The following FIRRM variants were observed in gnomAD, a reference collection of about 807,000 sequenced individuals.
FIRRM encodes FIGNL1-interacting regulator of recombination and mitosis.
At chr1:169,818,333 C>T in the FIRRM span, among the ~76,000 whole-genome samples, 3 of 152,168 alleles carry the variant, frequency 2.0e-5, no homozygotes, top group Admixed American at 2.0e-4. Flanking sequence ...CCACATGTCC[C>T]CAGGCCTTAC....
the FIRRM span, among the ~76,000 whole-genome samples, chr1:169,822,975 G>T: frequency 6.6e-6 from 1 of 151,648 alleles, no homozygotes; most frequent in Non-Finnish European, 1.5e-5. Context: ...TTTAGTGCTG[G>T]GTGTGGTGGC....
chr1:169,791,576 T>C, the FIRRM span, among the ~76,000 whole-genome samples: 17 of 152,336 alleles, frequency 1.1e-4, no homozygotes, highest in East Asian at 3.3e-3. Context: ...ATAGGGCAGT[T>C]ATGAATACTT....
chr1:169,811,355 A>G, the FIRRM span, among the ~76,000 whole-genome samples: 1 of 152,106 alleles, frequency 6.6e-6, no homozygotes, highest in Admixed American at 6.5e-5. Context: ...TTTAAATTTT[A>G]TTAGTATTTT....
chr1:169,795,318 C>T, the FIRRM span: 5 of 1,433,938 alleles, frequency 3.5e-6, no homozygotes, highest in Non-Finnish European at 4.7e-6. Context: ...GTTATATTAC[C>T]GCGGCCTGAA....
chr1:169,842,556 A>C, the FIRRM span: 1 of 1,605,488 alleles, frequency 6.2e-7, no homozygotes, highest in Non-Finnish European at 8.5e-7. Flanking sequence ...AAAGCAACTG[A>C]TCCTTTCCTT....
At chr1:169,842,665 A>T in the FIRRM span, 3 of 1,087,228 alleles carry the variant, frequency 2.8e-6, no homozygotes, top group East Asian at 8.0e-5. Flanking sequence ...GTAGACCTTT[A>T]TAAGAACTTA....
chr1:169,797,837 C>T, the FIRRM span, among the ~76,000 whole-genome samples: 1 of 152,134 alleles, frequency 6.6e-6, no homozygotes, highest in Non-Finnish European at 1.5e-5. Context: ...CCACCGTGCC[C>T]GGCCGGGTTA....
At chr1:169,829,352 A>T in the FIRRM span, 1 of 1,613,834 alleles carries the variant, frequency 6.2e-7, no homozygotes, top group Non-Finnish European at 8.5e-7. Context: ...TTAAAGAGTA[A>T]GGGGAAAGCT....
the FIRRM span, among the ~76,000 whole-genome samples, chr1:169,847,352 A>G: frequency 1.4e-5 from 2 of 147,928 alleles, no homozygotes; most frequent in Non-Finnish European, 3.0e-5. Context: ...CAGTATCTTC[A>G]AATTGCAATA....
the FIRRM span, among the ~76,000 whole-genome samples, chr1:169,843,192 A>C: frequency 6.6e-6 from 1 of 152,256 alleles, no homozygotes; most frequent in African/African-American, 2.4e-5. Context: ...TTTTATGGTC[A>C]GATTGCCCTA....
the FIRRM span, chr1:169,799,024 G>T: frequency 1.7e-6 from 1 of 596,132 alleles, no homozygotes; most frequent in Non-Finnish European, 2.9e-6. Flanking sequence ...CACATACCTC[G>T]GTAGATGTGT....
At chr1:169,837,210 T>A in the FIRRM span, 7 of 822,160 alleles carry the variant, frequency 8.5e-6, no homozygotes, top group Middle Eastern at 3.1e-4. Context: ...ATGCACACAC[T>A]CTCTGTTCTC....
At chr1:169,800,490 A>G in the FIRRM span, among the ~76,000 whole-genome samples, 1 of 152,218 alleles carries the variant, frequency 6.6e-6, no homozygotes, top group African/African-American at 2.4e-5. Context: ...GAACAGTCTC[A>G]TCTCATTTCC....
the FIRRM span, chr1:169,807,924 GCA>G: frequency 6.2e-7 from 1 of 1,601,234 alleles, no homozygotes; most frequent in Admixed American, 1.8e-5. Flanking sequence ...ACAGTCAGAT[GCA>G]CAGGTAAAAT....
the FIRRM span, among the ~76,000 whole-genome samples, chr1:169,820,836 C>A: frequency 2.6e-5 from 4 of 152,210 alleles, no homozygotes; most frequent in Non-Finnish European, 4.4e-5. Flanking sequence ...CTGATCCAGA[C>A]CCCAAAAGAG....
chr1:169,837,226 C>T, the FIRRM span: 1 of 719,928 alleles, frequency 1.4e-6, no homozygotes. Context: ...TTCTCTGTTT[C>T]TGTTAGAACC....
chr1:169,797,338 G>A, the FIRRM span, among the ~76,000 whole-genome samples: 1 of 152,232 alleles, frequency 6.6e-6, no homozygotes, highest in African/African-American at 2.4e-5. Context: ...TTATTTTCCA[G>A]GCCTTACCTG....
the FIRRM span, among the ~76,000 whole-genome samples, chr1:169,796,357 A>G: frequency 6.6e-6 from 1 of 152,256 alleles, no homozygotes; most frequent in Non-Finnish European, 1.5e-5. Flanking sequence ...CTTCCCCACA[A>G]GCTTATAGAG....
At chr1:169,825,492 A>T in the FIRRM span, among the ~76,000 whole-genome samples, 1 of 152,232 alleles carries the variant, frequency 6.6e-6, no homozygotes, top group African/African-American at 2.4e-5. Context: ...AGTGCATGGC[A>T]TGTATACATA....
Sources: allele counts gnomAD v4.1 joint callset (sites outside exome capture counted in the v4.1 genomes callset), GRCh38; gene constraint gnomAD v4.1.1; transcripts MANE v1.5; gene names NCBI Gene and HGNC (gene_info 2026-07-23, HGNC 2026-07-21).